Variants in PDE7A observed in about 807,000 individuals in gnomAD.
The protein encoded by PDE7A is phosphodiesterase 7A.
A neutral mutation model predicts 64.3 loss-of-function variants in PDE7A; 39 were observed. That is an observed-to-expected ratio of 0.61 (90% confidence interval 0.47 to 0.79). The LOEUF (loss-of-function observed/expected upper bound fraction) is 0.79, where lower values mean the gene tolerates loss of function less well. PDE7A is among the 30% of genes least tolerant of loss of function. PDE7A has a pLI of 0.00. For missense variants in PDE7A, 470 were observed against 582.8 expected (o/e 0.81, Z 1.99); for synonymous variants, 203 against 206.8 (o/e 0.98, Z 0.16).
rs1450399140 is a variant in PDE7A at position 65,718,234 on chromosome 8, T to C, written c.*1056A>G. The C allele has an allele frequency of 6.6e-6, 1 of 152,212 alleles. No homozygotes were observed. Among genetic ancestry groups the C allele is most frequent in the African/African-American group, 2.4e-5 (1 of 41,444 alleles). The allele number at this position is 152,212 out of a possible 1,614,324, so 9.4% of individuals were successfully genotyped here. A position where few individuals can be genotyped will look rare whatever the true frequency, so the allele number is the denominator to read the frequency against. Reference sequence around the variant, plus strand: ...AAATAAAAGCTTACATTTCAAATCTTTGCCCACATGGAGAAACATAACATG... The same window carrying C: ...AAATAAAAGCTTACATTTCAAATCTCTGCCCACATGGAGAAACATAACATG... On this transcript the variant is annotated 3_prime_UTR_variant, in exon 13 of 13. Coordinates refer to ENST00000401827, the MANE Select transcript of PDE7A (RefSeq NM_001242318.3).
chr8:65,796,742 C>T (rs2128927118), intron 1 of PDE7A, among the ~76,000 whole-genome samples: 1 of 152,222 alleles, frequency 6.6e-6, no homozygotes, highest in East Asian at 1.9e-4. Flanking sequence ...CATCATTGTA[C>T]TTAACAATAA....
chr8:65,734,448 C>T (rs913949529), intron 7 of PDE7A, among the ~76,000 whole-genome samples: 1 of 152,190 alleles, frequency 6.6e-6, no homozygotes, highest in South Asian at 2.1e-4. Flanking sequence ...TCTAAAGTCT[C>T]CTGCCTCCTC....
intron 1 of PDE7A, among the ~76,000 whole-genome samples, chr8:65,809,392 G>T (rs372450983): frequency 7.4e-6 from 1 of 135,380 alleles, no homozygotes; most frequent in Non-Finnish European, 1.8e-5. Flanking sequence ...TCAAAAAAAA[G>T]TTTTAAAAAT....
intron 6 of PDE7A, among the ~76,000 whole-genome samples, chr8:65,736,611 TGTG>T (rs986651640): frequency 5.9e-5 from 9 of 151,798 alleles, no homozygotes; most frequent in African/African-American, 2.2e-4. Flanking sequence ...TGTAGTCTGG[TGTG>T]GTGGTGCACA....
At chr8:65,814,747 T>C (rs968074270) in intron 1 of PDE7A, among the ~76,000 whole-genome samples, 1 of 152,060 alleles carries the variant, frequency 6.6e-6, no homozygotes, top group African/African-American at 2.4e-5. Flanking sequence ...CTCATGCCTA[T>C]AATCCCAGCA....
In PDE7A at chr8:65,779,820, A is replaced by C; in HGVS notation, c.200-17T>G. 1 of 1,510,074 alleles carries C rather than the reference A, an allele frequency of 6.6e-7. No individual in the cohort carries two copies. The highest frequency in any genetic ancestry group is 9.1e-7 in the Non-Finnish European group (1 of 1,097,614). The allele number at this position is 1,510,074 out of a possible 1,614,324, so 93.5% of individuals were successfully genotyped here. A position where few individuals can be genotyped will look rare whatever the true frequency, so the allele number is the denominator to read the frequency against. ...GTACATCTCCTGGACAGAATCAAGA[A>C]TAAAACATAAGTTTAGAAGGTTGTC... On this transcript the variant is annotated splice_polypyrimidine_tract_variant and intron_variant, in intron 2 of 12. Transcript: ENST00000401827.
intron 6 of PDE7A, among the ~76,000 whole-genome samples, chr8:65,736,486 C>T (rs1367611772): frequency 6.6e-6 from 1 of 152,180 alleles, no homozygotes; most frequent in African/African-American, 2.4e-5. Context: ...GGTGCACTGC[C>T]TCACACCTGT....
chr8:65,800,929 G>A (rs2128928061), intron 1 of PDE7A, among the ~76,000 whole-genome samples: 1 of 152,290 alleles, frequency 6.6e-6, no homozygotes, highest in Non-Finnish European at 1.5e-5. Context: ...AGCTATTGCA[G>A]CTAACATCAA....
At chr8:65,776,725 C>T (rs1349900997) in intron 3 of PDE7A, among the ~76,000 whole-genome samples, 1 of 152,166 alleles carries the variant, frequency 6.6e-6, no homozygotes, top group African/African-American at 2.4e-5. Flanking sequence ...CCACTACGTA[C>T]TGACTTTGTA....
chr8:65,749,687 CAT>C (rs1028914069), intron 3 of PDE7A, among the ~76,000 whole-genome samples: 1 of 152,206 alleles, frequency 6.6e-6, no homozygotes, highest in African/African-American at 2.4e-5. Context: ...CCACTTTACA[CAT>C]GAGAACACTG....
At chr8:65,726,488 T>C in intron 9 of PDE7A, among the ~76,000 whole-genome samples, 1 of 152,190 alleles carries the variant, frequency 6.6e-6, no homozygotes, top group East Asian at 1.9e-4. Flanking sequence ...AATGAATCTA[T>C]TTAATGTAAT....
At chr8:65,802,488 T>C (rs1179592442) in intron 1 of PDE7A, among the ~76,000 whole-genome samples, 1 of 152,242 alleles carries the variant, frequency 6.6e-6, no homozygotes, top group Non-Finnish European at 1.5e-5. Context: ...TTGGGTCATC[T>C]GATCACTGAT....
At chr8:65,777,007 T>G (rs1035069755) in intron 3 of PDE7A, among the ~76,000 whole-genome samples, 2 of 151,314 alleles carry the variant, frequency 1.3e-5, no homozygotes, top group African/African-American at 4.8e-5. Flanking sequence ...TTTCAGACTG[T>G]TTAAGTTTTT....
intron 7 of PDE7A, among the ~76,000 whole-genome samples, chr8:65,729,932 C>T (rs372290480): frequency 3.3e-5 from 5 of 152,124 alleles, no homozygotes; most frequent in East Asian, 1.9e-4. Flanking sequence ...AAATGAACCT[C>T]CCACACACAG....
At chr8:65,758,071 CTG>C (rs1808319609) in intron 3 of PDE7A, among the ~76,000 whole-genome samples, 1 of 152,204 alleles carries the variant, frequency 6.6e-6, no homozygotes, top group South Asian at 2.1e-4. Context: ...AGTTTGGTCT[CTG>C]TGCTAGTCCA....
chr8:65,799,818 C>A (rs1261494368), intron 1 of PDE7A, among the ~76,000 whole-genome samples: 1 of 152,180 alleles, frequency 6.6e-6, no homozygotes, highest in East Asian at 1.9e-4. Flanking sequence ...AAAATCAAAA[C>A]CTTTAGGCTC....
intron 1 of PDE7A, among the ~76,000 whole-genome samples, chr8:65,783,851 AT>A (rs1344877905): frequency 6.6e-6 from 1 of 152,198 alleles, no homozygotes; most frequent in Admixed American, 6.5e-5. Context: ...ATGGATATAA[AT>A]AAGGATAGAT....
intron 1 of PDE7A, among the ~76,000 whole-genome samples, chr8:65,787,783 G>C (rs1224777232): frequency 2.0e-5 from 3 of 150,278 alleles, no homozygotes; most frequent in East Asian, 3.9e-4. Context: ...TCTCTACAGG[G>C]GGGGGAAAAA....
chr8:65,815,989 C>T (rs762383296), intron 1 of PDE7A, among the ~76,000 whole-genome samples: 1 of 152,122 alleles, frequency 6.6e-6, no homozygotes, highest in Admixed American at 6.5e-5. Flanking sequence ...TTAAGGTAGA[C>T]GTTAATGAGA....
Sources: gnomAD v4.1 joint callset for allele counts (sites outside exome capture counted in the v4.1 genomes callset) on GRCh38, gnomAD v4.1.1 for gene constraint, MANE v1.5 for transcripts, NCBI Gene and HGNC (gene_info 2026-07-23, HGNC 2026-07-21) for gene names.